AHI1: variants seen among roughly 807,000 people sequenced by gnomAD.
The protein encoded by AHI1 is jouberin.
In AHI1, 123 loss-of-function variants were observed where a neutral mutation model predicts 149.3. The ratio of observed to expected loss-of-function variants is 0.82; its 90% CI spans 0.71 to 0.96. The LOEUF is 0.96. Ranked by LOEUF, AHI1 falls within the 40% of genes least tolerant of loss-of-function variation. The probability of loss-of-function intolerance (pLI) is 0.00; values close to 1 mark genes in which losing one functional copy is unlikely to be tolerated. For synonymous variants in AHI1, 475 were observed against 459.8 expected, an observed-to-expected ratio of 1.03 and a Z score of -0.42; for missense variants, 1,439 against 1,422.7, an observed-to-expected ratio of 1.01 and a Z score of -0.18.
chr6:135,400,490 T>A (rs903935557), intron 22 of AHI1, among the ~76,000 whole-genome samples: 3 of 151,756 alleles, frequency 2.0e-5, no homozygotes, highest in Non-Finnish European at 4.4e-5. Context: ...GTTTCCTGGC[T>A]TCAAGAAGCT....
chr6:135,453,285 A>G, intron 11 of AHI1, 56 bp downstream of exon 11: 1 of 1,335,338 alleles, frequency 7.5e-7, no homozygotes, highest in Non-Finnish European at 1.1e-6. Context: ...GGGAGAAAGC[A>G]GCCAACTAAA....
At chr6:135,403,851 T>C (rs1780370431) in intron 22 of AHI1, among the ~76,000 whole-genome samples, 1 of 152,044 alleles carries the variant, frequency 6.6e-6, no homozygotes, top group Non-Finnish European at 1.5e-5. Context: ...CTTGTGATAA[T>C]TAGGTATAAA....
At chr6:135,458,842 G>A (rs989055153) in intron 8 of AHI1, among the ~76,000 whole-genome samples, 4 of 152,168 alleles carry the variant, frequency 2.6e-5, no homozygotes, top group African/African-American at 9.7e-5. Context: ...GGCAAAACTG[G>A]ATCTCCCATC....
intron 4 of AHI1, 80 bp downstream of exon 4, chr6:135,492,148 A>C: frequency 9.1e-7 from 1 of 1,097,698 alleles, no homozygotes; most frequent in Non-Finnish European, 1.3e-6. Context: ...AATCTGTTCA[A>C]GAATCCCTTA....
intron 23 of AHI1, among the ~76,000 whole-genome samples, chr6:135,379,560 C>G (rs2128465763): frequency 6.6e-6 from 1 of 152,302 alleles, no homozygotes; most frequent in South Asian, 2.1e-4. Flanking sequence ...ACACTTTGTT[C>G]ATTCCTTTTA....
At chr6:135,315,380 C>G (rs148402084) in intron 26 of AHI1, among the ~76,000 whole-genome samples, 1 of 152,166 alleles carries the variant, frequency 6.6e-6, no homozygotes, top group Non-Finnish European at 1.5e-5. Flanking sequence ...TATGCCTCTA[C>G]CTGGGCCCCG....
At chr6:135,333,024 C>T (rs1788831687) in intron 24 of AHI1, among the ~76,000 whole-genome samples, 1 of 152,158 alleles carries the variant, frequency 6.6e-6, no homozygotes, top group African/African-American at 2.4e-5. Flanking sequence ...TTTTGCCATC[C>T]TGTTGTTGTG....
chr6:135,340,654 CATACATATATATATATAT>C lies in AHI1; in HGVS notation c.3166-17348_3166-17331del, dbSNP rs1416205460. Among the ~76,000 whole-genome samples the C allele has an allele frequency of 4.6e-3, 269 of 58,594 alleles. 3 individuals carry two copies. The highest frequency in any genetic ancestry group is 0.025 in the South Asian group (32 of 1,274). 38.4% of individuals were successfully genotyped at this position (58,594 alleles called of 152,430 possible). Reference sequence around the variant, plus strand: ...AAAAACCAGTACATATATATACATACATACATATATATATATATATATATATATATATATATATATATG... The same window carrying C: ...AAAAACCAGTACATATATATACATACATATATATATATATATATATATATG... On this transcript the variant is annotated intron_variant, in intron 24 of 28. Transcript: ENST00000265602.
chr6:135,439,365 A>G (rs544348056), intron 14 of AHI1, among the ~76,000 whole-genome samples: 1 of 152,338 alleles, frequency 6.6e-6, no homozygotes, highest in East Asian at 1.9e-4. Flanking sequence ...TATCCATGCT[A>G]TAGATGCTGT....
At chr6:135,398,643 A>G (rs911771757) in intron 22 of AHI1, among the ~76,000 whole-genome samples, 1 of 152,158 alleles carries the variant, frequency 6.6e-6, no homozygotes. Context: ...CTTTAGGGTA[A>G]AGCAATTTAC....
chr6:135,350,053 T>C (rs915721776), intron 24 of AHI1, among the ~76,000 whole-genome samples: 43 of 152,244 alleles, frequency 2.8e-4, no homozygotes, highest in African/African-American at 9.6e-4. Flanking sequence ...GAAAAAGAAA[T>C]CTTTATTTCA....
intron 24 of AHI1, among the ~76,000 whole-genome samples, chr6:135,328,638 A>C (rs1465021224): frequency 6.6e-6 from 1 of 152,050 alleles, no homozygotes; most frequent in Non-Finnish European, 1.5e-5. Flanking sequence ...ATATAATGGT[A>C]TTGAAATTAG....
chr6:135,478,049 C>T (rs1206359062), intron 5 of AHI1, among the ~76,000 whole-genome samples: 1 of 152,138 alleles, frequency 6.6e-6, no homozygotes, highest in Admixed American at 6.5e-5. Flanking sequence ...GATCTGCCCA[C>T]CTTGGCCTCC....
In AHI1 at chr6:135,383,820, C is replaced by T. The variant is rs117821120; in HGVS notation, c.3109+10956G>A. 5.5e-3 allele frequency among the ~76,000 whole-genome samples: 832 copies of T among 152,136 alleles called. 3 individuals carry two copies. Among genetic ancestry groups the T allele is most frequent in the South Asian group, 0.015 (72 of 4,822 alleles). ...GTAAACTATATTAATGTAGTCATAT[C>T]GTCAAACTATAAAAAAATAAAGTTA... On this transcript the variant is annotated intron_variant, in intron 23 of 28. Transcript: ENST00000265602.
At chr6:135,377,116 G>C (rs966824331) in intron 23 of AHI1, among the ~76,000 whole-genome samples, 1 of 151,954 alleles carries the variant, frequency 6.6e-6, no homozygotes, top group Admixed American at 6.6e-5. Flanking sequence ...CTGTTTATTA[G>C]ATTAGAATCT....
chr6:135,360,393 C>T (rs1317967619), intron 23 of AHI1, among the ~76,000 whole-genome samples: 1 of 152,158 alleles, frequency 6.6e-6, no homozygotes, highest in African/African-American at 2.4e-5. Context: ...CTCATCCAAT[C>T]AGATGAAGGC....
Position 135,442,613 on chromosome 6 carries a change from AGCT to A in AHI1, c.1878_1880del (p.Ala627del). 6.2e-7 allele frequency: 1 copy of A among 1,609,684 alleles called. No individual in the cohort carries two copies. The highest frequency in any genetic ancestry group is 8.5e-7 in the Non-Finnish European group (1 of 1,177,708). On this transcript the variant is annotated inframe_deletion, in exon 14 of 29. Transcript: ENST00000265602. ...TTGGATATCCATCCCGGCTGGCACA[AGCT>A]GCTGCTAATATTCTTCCATTGTGGG...
intron 24 of AHI1, among the ~76,000 whole-genome samples, chr6:135,347,656 A>AT (rs1431320119): frequency 6.6e-6 from 1 of 152,234 alleles, no homozygotes; most frequent in African/African-American, 2.4e-5. Flanking sequence ...GTTAGGTACA[A>AT]TTATTATTCA....
chr6:135,295,668 G>C (rs985748584), intron 27 of AHI1, among the ~76,000 whole-genome samples: 1 of 152,178 alleles, frequency 6.6e-6, no homozygotes, highest in Non-Finnish European at 1.5e-5. Flanking sequence ...ACTCTAGACA[G>C]TGAGAGAAAG....
Sources: gnomAD v4.1 joint callset for allele counts (sites outside exome capture counted in the v4.1 genomes callset) on GRCh38, gnomAD v4.1.1 for gene constraint, MANE v1.5 for transcripts, NCBI Gene and HGNC (gene_info 2026-07-23, HGNC 2026-07-21) for gene names.